The following LAMA4 variants were observed in gnomAD, a reference collection of about 807,000 sequenced individuals.
The protein encoded by LAMA4 is laminin subunit alpha-4.
A neutral mutation model predicts 207.1 loss-of-function variants in LAMA4; 127 were observed. The observed-to-expected ratio is 0.61, with a 90% CI of 0.53 to 0.71. The LOEUF (loss-of-function observed/expected upper bound fraction) is 0.71. LAMA4 is among the 30% of genes least tolerant of loss of function. The probability of loss-of-function intolerance (pLI) is 0.00; values close to 1 mark genes in which losing one functional copy is unlikely to be tolerated. For synonymous variants in LAMA4, 761 were observed against 816.0 expected (o/e 0.93, Z 1.15); for missense variants, 2,093 against 2,246.5 (o/e 0.93, Z 1.38).
At chr6:112,238,699 T>C (rs1258569028) in intron 2 of LAMA4, among the ~76,000 whole-genome samples, 1 of 152,104 alleles carries the variant, frequency 6.6e-6, no homozygotes, top group East Asian at 1.9e-4. Flanking sequence ...AGAGCAAGAC[T>C]CTGTCTACAA....
intron 5 of LAMA4, among the ~76,000 whole-genome samples, chr6:112,195,938 T>TACACAC (rs149514155): frequency 0.042 from 6,163 of 147,378 alleles, 184 homozygotes; most frequent in Middle Eastern, 0.087. Flanking sequence ...ATGAACTAAG[T>TACACAC]ACACACACAC....
chr6:112,115,554 A>G lies in LAMA4; in HGVS notation c.5112+309T>C, dbSNP rs892717803. Among the ~76,000 whole-genome samples the G allele has an allele frequency of 8.6e-5, 13 of 151,710 alleles. No individual in the cohort carries two copies. In the East Asian group the frequency reaches 2.5e-3, roughly 29 times the overall value. ...GATGTTTTAGTGTTTGTTGATTTTG[A>G]TAGTTATGTTTGCTGATTCCATTTG... On this transcript the variant is annotated intron_variant, in intron 36 of 38. Coordinates refer to ENST00000230538, the MANE Select transcript of LAMA4 (RefSeq NM_001105206.3).
rs566972043 is a variant in LAMA4 at position 112,129,088 on chromosome 6, C to T, written c.4134-13G>A. 2.5e-6 allele frequency: 4 copies of T among 1,603,440 alleles called. No homozygotes were observed. Among genetic ancestry groups the T allele is most frequent in the South Asian group, 2.2e-5 (2 of 90,602 alleles). On this transcript the variant is annotated splice_polypyrimidine_tract_variant and intron_variant, in intron 30 of 38. Transcript: ENST00000230538. ...ATCTCTATCCACCCTGTGTTTGTAA[C>T]AGAGGAAAAAATAAATATTAAAAAT...
intron 12 of LAMA4, among the ~76,000 whole-genome samples, chr6:112,171,377 A>G (rs535432882): frequency 6.6e-6 from 1 of 152,286 alleles, no homozygotes; most frequent in African/African-American, 2.4e-5. Context: ...GACTAAGGTG[A>G]GCTGCTCTGG....
intron 2 of LAMA4, chr6:112,253,682 T>G: frequency 5.4e-5 from 81 of 1,503,974 alleles, no homozygotes; most frequent in Non-Finnish European, 6.8e-5. Context: ...CAGTCCCCGG[T>G]GAGAGTCTAG....
chr6:112,177,525 T>C (rs1212153179), intron 10 of LAMA4, among the ~76,000 whole-genome samples: 2 of 152,194 alleles, frequency 1.3e-5, no homozygotes, highest in African/African-American at 4.8e-5. Flanking sequence ...ATTAAAATAG[T>C]CTTCAAGATT....
At chr6:112,240,564 C>T (rs1378168862) in intron 2 of LAMA4, among the ~76,000 whole-genome samples, 1 of 152,200 alleles carries the variant, frequency 6.6e-6, no homozygotes, top group African/African-American at 2.4e-5. Flanking sequence ...CCCTTCCCAG[C>T]TTCTGGTAGC....
rs1365391771 is a variant in LAMA4 at position 112,187,350 on chromosome 6, G to A, written c.966+100C>T. 3 of 1,320,682 alleles carry A rather than the reference G, an allele frequency of 2.3e-6. No individual in the cohort carries two copies. In the South Asian group the frequency reaches 3.6e-5, roughly 16 times the overall value. The allele number at this position is 1,320,682 out of a possible 1,614,324, so 81.8% of individuals were successfully genotyped here. A position where few individuals can be genotyped will look rare whatever the true frequency, so the allele number is the denominator to read the frequency against. ...ACAGGTCTAACAACCTGTAATACAG[G>A]TATGAGACTCAGATACAAAAAGGGG... On this transcript the variant is annotated intron_variant, in intron 8 of 38. Transcript: ENST00000230538.
chr6:112,133,220 T>C (rs1210012315), intron 27 of LAMA4, 129 bp downstream of exon 27: 3 of 1,008,330 alleles, frequency 3.0e-6, no homozygotes, highest in Admixed American at 3.5e-5. Flanking sequence ...ATGGTTCTTC[T>C]TTCTGGTGGT....
At chr6:112,194,161 T>G (rs1470873981) in intron 5 of LAMA4, among the ~76,000 whole-genome samples, 1 of 152,218 alleles carries the variant, frequency 6.6e-6, no homozygotes, top group Non-Finnish European at 1.5e-5. Context: ...TGTGGCTGGA[T>G]TGAATTTCTG....
rs2114640325 is a variant in LAMA4 at position 112,129,966 on chromosome 6, G to A, written c.4043C>T (p.Ala1348Val). Residue 1348 changes from alanine (A) to valine (V), a missense_variant, in exon 30 of 39, where the codon GCA becomes GTA. Physicochemically the swap from Ala to Val is moderately conservative, Grantham distance 64. This residue lies in a region of LAMA4 where 1,704 missense variants were observed against 1,788.4 expected (regional missense o/e 0.95). Transcript: ENST00000230538. The part of the protein sequence containing the change: ...PTKGKIEQTQ[A>V]SEKKFYFGGS... ...ACCGAAGTAAAACTTCTTTTCACTT[G>A]CTTGTGTCTGTTCTATTTTCCCTTT... 6.2e-7 allele frequency: 1 copy of A among 1,613,002 alleles called. No individual in the cohort carries two copies. The highest frequency in any genetic ancestry group is 8.5e-7 in the Non-Finnish European group (1 of 1,179,270).
At chr6:112,133,588 G>A in intron 26 of LAMA4, 101 bp from the exon 27 acceptor site, 3 of 1,318,294 alleles carry the variant, frequency 2.3e-6, no homozygotes, top group Non-Finnish European at 3.3e-6. Flanking sequence ...ATTTGTAATG[G>A]CTTTATAATC....
rs1554362126 is a variant in LAMA4 at position 112,225,535 on chromosome 6, A to G, written c.196-9066T>C. Reference sequence around the variant, plus strand: ...TCTTACCTTTCAGAGTCACTGTGCTATTATCGTTTATTTCGAATCTGAGGT... The same window carrying G: ...TCTTACCTTTCAGAGTCACTGTGCTGTTATCGTTTATTTCGAATCTGAGGT... On this transcript the variant is annotated intron_variant, in intron 2 of 38. Transcript: ENST00000230538. 2.0e-5 allele frequency among the ~76,000 whole-genome samples: 3 copies of G among 152,218 alleles called. No homozygotes were observed. The East Asian group carries it at 5.8e-4, about 29-fold the overall frequency.
chr6:112,197,650 T>C (rs1223586891), intron 5 of LAMA4, among the ~76,000 whole-genome samples: 1 of 152,226 alleles, frequency 6.6e-6, no homozygotes, highest in Non-Finnish European at 1.5e-5. Context: ...AATTCAATAA[T>C]TGATGTTGTC....
intron 32 of LAMA4, among the ~76,000 whole-genome samples, chr6:112,121,608 ATTTGTATTTTCAAT>A (rs1778361993): frequency 6.6e-6 from 1 of 152,206 alleles, no homozygotes; most frequent in Non-Finnish European, 1.5e-5. Context: ...ATACAAGCAT[ATTTGTATTTTCAAT>A]GCCTTTCCTT....
chr6:112,112,105 A>C (rs1298853515), intron 38 of LAMA4, among the ~76,000 whole-genome samples: 1 of 152,154 alleles, frequency 6.6e-6, no homozygotes, highest in Non-Finnish European at 1.5e-5. Flanking sequence ...TGCACTTCTT[A>C]GTTTCAACAA....
Position 112,221,269 on chromosome 6 carries a change from T to G in LAMA4, c.196-4800A>C, listed in dbSNP as rs7738831. 7.8e-3 allele frequency among the ~76,000 whole-genome samples: 1,188 copies of G among 152,262 alleles called. 23 individuals are homozygous for G. Among genetic ancestry groups the G allele is most frequent in the African/African-American group, 0.027 (1,104 of 41,546 alleles). Reference sequence around the variant, plus strand: ...GAAAGAACACACTCTACAGCCCTAGTGTCTATTCTCATAGGAGCTGATTGG... The same window carrying G: ...GAAAGAACACACTCTACAGCCCTAGGGTCTATTCTCATAGGAGCTGATTGG... On this transcript the variant is annotated intron_variant, in intron 2 of 38. Transcript: ENST00000230538.
intron 22 of LAMA4, 102 bp downstream of exon 22, chr6:112,140,658 T>C (rs1427470325): frequency 9.2e-7 from 1 of 1,092,518 alleles, no homozygotes; most frequent in African/African-American, 1.6e-5. Context: ...AACTAAGCTC[T>C]TAAAGTGATA....
chr6:112,178,876 CATT>C, intron 9 of LAMA4: 1 of 153,098 alleles, frequency 6.5e-6, no homozygotes, highest in East Asian at 1.9e-4. Flanking sequence ...ATCATTTTGA[CATT>C]GTGCTGACTG....
Sources: allele counts gnomAD v4.1 joint callset (sites outside exome capture counted in the v4.1 genomes callset), GRCh38; gene constraint gnomAD v4.1.1; regional missense constraint gnomAD v4.1.1; transcripts MANE v1.5; gene names NCBI Gene and HGNC (gene_info 2026-07-23, HGNC 2026-07-21).